The following BCAS3 variants were observed in gnomAD, a reference collection of about 807,000 sequenced individuals.
BCAS3 encodes the protein BCAS4/BCAS3 fusion.
A neutral mutation model predicts 116.1 loss-of-function variants in BCAS3; 53 were observed. The ratio of observed to expected loss-of-function variants is 0.46; its 90% CI spans 0.37 to 0.57. The LOEUF is 0.57. Ranked by LOEUF, BCAS3 falls within the 20% of genes least tolerant of loss-of-function variation. The pLI is 0.00. For synonymous variants in BCAS3, 391 were observed against 408.2 expected (o/e 0.96, Z 0.51); for missense variants, 917 against 1,165.4 (o/e 0.79, Z 3.10).
chr17:60,691,351 C>T (rs1182207247), intron 4 of BCAS3, among the ~76,000 whole-genome samples: 1 of 152,020 alleles, frequency 6.6e-6, no homozygotes, highest in East Asian at 1.9e-4. Flanking sequence ...TCATTCCCAC[C>T]AACAATGTAC....
intron 19 of BCAS3, among the ~76,000 whole-genome samples, chr17:61,044,465 A>AAAAAAAAAAAAAAAAAAT: frequency 8.3e-6 from 1 of 120,120 alleles, no homozygotes; most frequent in African/African-American, 5.0e-5. Flanking sequence ...AAAAAAAAAA[A>AAAAAAAAAAAAAAAAAAT]ATATATATAT....
At chr17:61,033,518 C>G (rs1378797731) in intron 16 of BCAS3, among the ~76,000 whole-genome samples, 1 of 152,136 alleles carries the variant, frequency 6.6e-6, no homozygotes, top group Non-Finnish European at 1.5e-5. Context: ...TGGGATTCAA[C>G]TACATGTTTC....
intron 22 of BCAS3, among the ~76,000 whole-genome samples, chr17:61,274,858 A>G (rs1476350709): frequency 1.3e-5 from 2 of 151,878 alleles, no homozygotes; most frequent in Non-Finnish European, 2.9e-5. Context: ...CATGAAATCT[A>G]ATTTTATTAA....
chr17:60,894,015 A>G lies in BCAS3; in HGVS notation c.738+4244A>G, dbSNP rs181086737. ...GCTTCCTGATTTGTTATTTTTGCTTAGGACCGCTTTGGCCATTTGCTGCCC... is the reference window on the plus strand; with the variant it reads ...GCTTCCTGATTTGTTATTTTTGCTTGGGACCGCTTTGGCCATTTGCTGCCC... On this transcript the variant is annotated intron_variant, in intron 10 of 23. Coordinates refer to ENST00000407086, the MANE Select transcript of BCAS3 (RefSeq NM_017679.5). Among the ~76,000 whole-genome samples the G allele has an allele frequency of 3.9e-3, 595 of 152,218 alleles. 3 individuals are homozygous for G. Among genetic ancestry groups the G allele is most frequent in the African/African-American group, 0.014 (579 of 41,530 alleles).
In BCAS3 at chr17:61,251,094, A is replaced by G. The variant is rs1254044605; in HGVS notation, c.2426-117233A>G. ...ACCCTTCATTCAGAAAGGTCATTTC[A>G]TTTCCTGTGAGCCAGTCTTACATCA... On this transcript the variant is annotated intron_variant, in intron 22 of 23. Transcript: ENST00000407086. This position sits in a 1 kb window ranked among gnomAD's most constrained non-coding sequence, Gnocchi z 4.7. Among the ~76,000 whole-genome samples, 2 of 152,156 alleles carry G rather than the reference A, an allele frequency of 1.3e-5. No homozygotes were observed. Among genetic ancestry groups the G allele is most frequent in the African/African-American group, 4.8e-5 (2 of 41,452 alleles).
intron 17 of BCAS3, among the ~76,000 whole-genome samples, chr17:61,035,787 A>G (rs2066980635): frequency 1.3e-5 from 2 of 152,138 alleles, no homozygotes; most frequent in Non-Finnish European, 2.9e-5. Flanking sequence ...AATAACTGAG[A>G]TAGGTACTAT....
chr17:61,312,653 G>C (rs1339549942), intron 22 of BCAS3, among the ~76,000 whole-genome samples: 1 of 152,106 alleles, frequency 6.6e-6, no homozygotes, highest in African/African-American at 2.4e-5. Context: ...AGTGTACCAG[G>C]GGCCCTCGGG....
intron 22 of BCAS3, among the ~76,000 whole-genome samples, chr17:61,168,326 C>G (rs1030657482): frequency 6.6e-6 from 1 of 152,058 alleles, no homozygotes; most frequent in Non-Finnish European, 1.5e-5. Flanking sequence ...GTTCCTTGAG[C>G]CTTTTCTATT....
At chr17:61,117,518 C>A (rs1162640942) in intron 22 of BCAS3, among the ~76,000 whole-genome samples, 1 of 152,110 alleles carries the variant, frequency 6.6e-6, no homozygotes, top group Non-Finnish European at 1.5e-5. Flanking sequence ...ATTGCTTGAG[C>A]CCAGAGTTTG....
At chr17:61,067,239 C>A (rs2143365167) in intron 19 of BCAS3, among the ~76,000 whole-genome samples, 1 of 125,114 alleles carries the variant, frequency 8.0e-6, no homozygotes, top group South Asian at 2.7e-4. Flanking sequence ...GGACATTAAT[C>A]TTTCATTTCA....
chr17:60,730,197 A>G (rs571880892), intron 5 of BCAS3, among the ~76,000 whole-genome samples: 1 of 152,344 alleles, frequency 6.6e-6, no homozygotes, highest in East Asian at 1.9e-4. Flanking sequence ...ATCAGGCTGA[A>G]GGGGAAAGGT....
At chr17:60,790,329 G>T (rs1409383736) in intron 6 of BCAS3, among the ~76,000 whole-genome samples, 1 of 152,042 alleles carries the variant, frequency 6.6e-6, no homozygotes, top group Admixed American at 6.6e-5. Flanking sequence ...ATATCAAATT[G>T]ATATGCATAA....
At chr17:60,970,191 G>C (rs899420019) in intron 14 of BCAS3, among the ~76,000 whole-genome samples, 4 of 152,090 alleles carry the variant, frequency 2.6e-5, no homozygotes, top group African/African-American at 9.7e-5. Context: ...CAAAGATGGA[G>C]GGTGCTAGGG....
At chr17:60,987,014 C>G (rs986825842) in intron 14 of BCAS3, 2 of 151,926 alleles carry the variant, frequency 1.3e-5, no homozygotes, top group Non-Finnish European at 2.9e-5. Context: ...ATGTGTATGG[C>G]GAGAGATAGG....
Position 61,213,496 on chromosome 17 carries a change from A to G in BCAS3, c.2425+128932A>G, listed in dbSNP as rs1381354012. On this transcript the variant is annotated intron_variant, in intron 22 of 23. Coordinates refer to ENST00000407086, the MANE Select transcript of BCAS3 (RefSeq NM_017679.5). The surrounding 1 kb of genome is among the most constrained non-coding windows in gnomAD (Gnocchi z 5.4). ...TCATATATTTTTATATGAAAAAAGT[A>G]AGGCATGAAAAGAGTCTTATTATTT... is the stretch of plus-strand genomic sequence containing the variant. Among the ~76,000 whole-genome samples, 3 of 152,100 alleles carry G rather than the reference A, an allele frequency of 2.0e-5. No homozygotes were observed. In the East Asian group the frequency reaches 5.8e-4, roughly 29 times the overall value.
chr17:61,040,822 G>A lies in BCAS3; in HGVS notation c.1959G>A (p.Pro653=), dbSNP rs546232951. The A allele has an allele frequency of 8.1e-5, 131 of 1,613,982 alleles. No individual in the cohort carries two copies. Among genetic ancestry groups the A allele is most frequent in the Admixed American group, 3.7e-4 (22 of 59,996 alleles). The change falls in exon 19 of 24, where the codon CCG becomes CCA. Residue 653 remains proline (P), a synonymous_variant. Coordinates refer to ENST00000407086, the MANE Select transcript of BCAS3 (RefSeq NM_017679.5). ...RTPQWNELQP[P]FNANHPLLLA... is the part of the protein sequence containing the mutation. ...CTCAATGGAATGAATTGCAGCCACC[G>A]TTTAATGCAAACCACCCTCTGCTCC...
chr17:61,352,629 G>C lies in BCAS3; in HGVS notation c.2426-15698G>C, dbSNP rs2057915547. On this transcript the variant is annotated intron_variant, in intron 22 of 23. Coordinates refer to ENST00000407086, the MANE Select transcript of BCAS3 (RefSeq NM_017679.5). This position sits in a 1 kb window ranked among gnomAD's most constrained non-coding sequence, Gnocchi z 4.7. Reference sequence around the variant, plus strand: ...GTAGGCGCCACACTTGGCACACAATGAGTCTGTGAGTTGAGGGGAAATCAC... The same window carrying C: ...GTAGGCGCCACACTTGGCACACAATCAGTCTGTGAGTTGAGGGGAAATCAC... Among the ~76,000 whole-genome samples, 1 of 152,214 alleles carries C rather than the reference G, an allele frequency of 6.6e-6. No homozygotes were observed. Among genetic ancestry groups the C allele is most frequent in the African/African-American group, 2.4e-5 (1 of 41,444 alleles).
At chr17:60,763,064 G>A (rs2043700016) in intron 6 of BCAS3, among the ~76,000 whole-genome samples, 1 of 152,200 alleles carries the variant, frequency 6.6e-6, no homozygotes, top group East Asian at 1.9e-4. Context: ...AGACTTTGCT[G>A]AAGTTGCTTA....
chr17:61,345,247 C>T (rs1038807539), intron 22 of BCAS3, among the ~76,000 whole-genome samples: 1 of 152,234 alleles, frequency 6.6e-6, no homozygotes, highest in Non-Finnish European at 1.5e-5. Context: ...GAGGAGACTC[C>T]GCTTCCGCTA....
Sources: gnomAD v4.1 joint callset for allele counts (sites outside exome capture counted in the v4.1 genomes callset) on GRCh38, gnomAD v4.1.1 for gene constraint, Gnocchi (gnomAD v3.1) non-coding constraint, MANE v1.5 for transcripts, NCBI Gene and HGNC (gene_info 2026-07-23, HGNC 2026-07-21) for gene names.